The following DRC11 variants were observed in gnomAD, a reference collection of about 807,000 sequenced individuals.
The protein encoded by DRC11 is dynein regulatory complex subunit 11, also known as IQ and AAA domain-containing protein 1.
the DRC11 span, chr2:236,380,494 G>A: frequency 1.8e-6 from 2 of 1,140,328 alleles, no homozygotes; most frequent in South Asian, 2.6e-5. The surrounding 1 kb of genome is among the most constrained non-coding windows in gnomAD (Gnocchi z 4.9). Context: ...TCACAGAGGG[G>A]GCGTACTCGG....
At chr2:236,360,671 TG>T in the DRC11 span, among the ~76,000 whole-genome samples, 1 of 152,142 alleles carries the variant, frequency 6.6e-6, no homozygotes, top group Non-Finnish European at 1.5e-5. The surrounding 1 kb of genome is among the most constrained non-coding windows in gnomAD (Gnocchi z 5.8). Flanking sequence ...TGTGCTTGCG[TG>T]GGGAAAGATT....
At chr2:236,378,924 T>C in the DRC11 span, among the ~76,000 whole-genome samples, 1 of 152,124 alleles carries the variant, frequency 6.6e-6, no homozygotes, top group Non-Finnish European at 1.5e-5. Context: ...TCTCAAACAA[T>C]GCAGCCTTGA....
At chr2:236,356,395 G>A in the DRC11 span, among the ~76,000 whole-genome samples, 250 of 152,238 alleles carry the variant, frequency 1.6e-3, no homozygotes, top group African/African-American at 5.8e-3. Context: ...CAGCAGACCC[G>A]CTGGCCCAGG....
chr2:236,400,364 G>A, the DRC11 span, among the ~76,000 whole-genome samples: 1 of 152,090 alleles, frequency 6.6e-6, no homozygotes, highest in African/African-American at 2.4e-5. This position sits in a 1 kb window ranked among gnomAD's most constrained non-coding sequence, Gnocchi z 7.9. Context: ...GGAGATTGCG[G>A]TGCTACCCGC....
chr2:236,405,393 T>C, the DRC11 span, among the ~76,000 whole-genome samples: 1 of 151,724 alleles, frequency 6.6e-6, no homozygotes, highest in African/African-American at 2.4e-5. The surrounding 1 kb of genome is among the most constrained non-coding windows in gnomAD (Gnocchi z 4.6). Context: ...CATCCAACTT[T>C]CTTGCCTTTT....
chr2:236,485,854 G>T, the DRC11 span, among the ~76,000 whole-genome samples: 1 of 152,142 alleles, frequency 6.6e-6, no homozygotes, highest in Non-Finnish European at 1.5e-5. Flanking sequence ...TTCCTCAGAG[G>T]CCATGCACTC....
the DRC11 span, among the ~76,000 whole-genome samples, chr2:236,311,844 G>C: frequency 6.6e-6 from 1 of 152,108 alleles, no homozygotes; most frequent in East Asian, 1.9e-4. This position sits in a 1 kb window ranked among gnomAD's most constrained non-coding sequence, Gnocchi z 6.9. Context: ...AGGCTGGAGA[G>C]AGCAGTGGCT....
At chr2:236,454,703 T>G in the DRC11 span, 1 of 152,200 alleles carries the variant, frequency 6.6e-6, no homozygotes, top group African/African-American at 2.4e-5. The surrounding 1 kb of genome is among the most constrained non-coding windows in gnomAD (Gnocchi z 5.3). Flanking sequence ...TCAGAAGATA[T>G]CTATTGTGAA....
chr2:236,417,150 G>A, the DRC11 span, among the ~76,000 whole-genome samples: 4 of 152,134 alleles, frequency 2.6e-5, no homozygotes, highest in Non-Finnish European at 5.9e-5. Context: ...GATTACAGGC[G>A]TGAGCCACCA....
chr2:236,374,857 ATT>A, the DRC11 span, among the ~76,000 whole-genome samples: 973 of 125,898 alleles, frequency 7.7e-3, 11 homozygotes, highest in African/African-American at 0.027. Flanking sequence ...TGCCTGGCTA[ATT>A]TTTTTTTTTT....
the DRC11 span, among the ~76,000 whole-genome samples, chr2:236,337,600 C>T: frequency 9.8e-5 from 15 of 152,328 alleles, no homozygotes; most frequent in African/African-American, 3.6e-4. The surrounding 1 kb of genome is among the most constrained non-coding windows in gnomAD (Gnocchi z 4.9). Context: ...CTGAGCCAGG[C>T]GTCCTGAGAG....
chr2:236,320,137 A>T, the DRC11 span, among the ~76,000 whole-genome samples: 1 of 152,348 alleles, frequency 6.6e-6, no homozygotes, highest in East Asian at 1.9e-4. Flanking sequence ...TGCACTGACG[A>T]ATGAATGATT....
At chr2:236,345,962 G>T in the DRC11 span, among the ~76,000 whole-genome samples, 3 of 152,208 alleles carry the variant, frequency 2.0e-5, no homozygotes, top group Non-Finnish European at 2.9e-5. Context: ...GCAAGTCAGG[G>T]CTATAAAGCA....
the DRC11 span, among the ~76,000 whole-genome samples, chr2:236,436,927 T>C: frequency 6.6e-6 from 1 of 152,176 alleles, no homozygotes; most frequent in Non-Finnish European, 1.5e-5. Context: ...AAGTTCCCTA[T>C]TATAGCTTTT....
chr2:236,397,786 A>C, the DRC11 span, among the ~76,000 whole-genome samples: 1 of 152,246 alleles, frequency 6.6e-6, no homozygotes, highest in Middle Eastern at 3.4e-3. This position sits in a 1 kb window ranked among gnomAD's most constrained non-coding sequence, Gnocchi z 5.0. Context: ...GACCCACTGG[A>C]TGTTGTTACT....
chr2:236,373,259 T>C, the DRC11 span, among the ~76,000 whole-genome samples: 1 of 139,872 alleles, frequency 7.1e-6, no homozygotes, highest in Non-Finnish European at 1.6e-5. Flanking sequence ...GTATATTAAC[T>C]TTTTTTTTTT....
chr2:236,496,037 A>C, the DRC11 span, among the ~76,000 whole-genome samples: 1 of 152,180 alleles, frequency 6.6e-6, no homozygotes, highest in African/African-American at 2.4e-5. This position sits in a 1 kb window ranked among gnomAD's most constrained non-coding sequence, Gnocchi z 6.3. Context: ...CCTATTCTTG[A>C]AATTCAACTA....
the DRC11 span, among the ~76,000 whole-genome samples, chr2:236,359,026 A>G: frequency 0.036 from 5,510 of 151,508 alleles, 307 homozygotes; most frequent in African/African-American, 0.13. This position sits in a 1 kb window ranked among gnomAD's most constrained non-coding sequence, Gnocchi z 4.3. Context: ...CCGCCTTGCC[A>G]GTGAGAATGG....
the DRC11 span, among the ~76,000 whole-genome samples, chr2:236,358,292 GAATATATATAATATATAGATA>G: frequency 7.9e-6 from 1 of 126,978 alleles, no homozygotes; most frequent in Non-Finnish European, 1.6e-5. Context: ...TATACTATAT[GAATATATATAATATATAGATA>G]TATACTATAT....
Sources: allele counts gnomAD v4.1 joint callset (sites outside exome capture counted in the v4.1 genomes callset), GRCh38; gene constraint gnomAD v4.1.1; non-coding constraint Gnocchi (gnomAD v3.1); transcripts MANE v1.5; gene names NCBI Gene and HGNC (gene_info 2026-07-23, HGNC 2026-07-21).